Variants in TIMELESS observed in about 807,000 individuals in gnomAD.
TIMELESS encodes timeless circadian regulator.
Under a neutral mutation model 164.3 loss-of-function variants are expected in TIMELESS, and 124 were observed. That is an observed-to-expected ratio of 0.75 (90% CI 0.65 to 0.88). The LOEUF is 0.88. Among genes scored for constraint, TIMELESS ranks in the 40% least tolerant of loss-of-function variants. The pLI is 0.00. For synonymous variants in TIMELESS, 564 were observed against 563.4 expected (o/e 1.00, Z -0.02); for missense variants, 1,422 against 1,491.4 (o/e 0.95, Z 0.77).
chr12:56,448,985 G>T (rs1004766315), intron 1 of TIMELESS, among the ~76,000 whole-genome samples: 7 of 152,172 alleles, frequency 4.6e-5, no homozygotes, highest in African/African-American at 1.7e-4. Flanking sequence ...TAGATGCTAA[G>T]CTCCGAAGTG....
At chr12:56,444,421 C>G (rs1351602342) in intron 1 of TIMELESS, among the ~76,000 whole-genome samples, 1 of 152,166 alleles carries the variant, frequency 6.6e-6, no homozygotes, top group African/African-American at 2.4e-5. Context: ...ACCCTTAGTT[C>G]TTTGCTTCTA....
intron 13 of TIMELESS, among the ~76,000 whole-genome samples, chr12:56,426,613 G>A (rs1881686852): frequency 6.6e-6 from 1 of 152,108 alleles, no homozygotes; most frequent in African/African-American, 2.4e-5. Context: ...AGGCTGGAGT[G>A]CAATGGCATG....
chr12:56,448,190 G>T (rs1868409110), intron 1 of TIMELESS, among the ~76,000 whole-genome samples: 1 of 147,218 alleles, frequency 6.8e-6, no homozygotes, highest in South Asian at 2.2e-4. Flanking sequence ...CGGATCATTT[G>T]AGGTCAGGAG....
intron 22 of TIMELESS, 88 bp from the exon 23 acceptor site, chr12:56,421,581 C>T (rs1881491720): frequency 6.5e-7 from 1 of 1,533,774 alleles, no homozygotes. Context: ...GAGGGTACCT[C>T]AATTCATCCA....
chr12:56,425,079 G>C lies in TIMELESS; in HGVS notation c.1652C>G (p.Ser551Cys), dbSNP rs145244735. ...DQAIVSGNVP[S>C]SPEEVEAVWP... is the part of the protein sequence containing the mutation. Reference sequence around the variant, plus strand: ...CACAGCCTCCACTTCTTCTGGGCTAGATGGGACATTACCAGAAACAATGGC... The same window carrying C: ...CACAGCCTCCACTTCTTCTGGGCTACATGGGACATTACCAGAAACAATGGC... Residue 551 changes from serine (S) to cysteine (C), a missense_variant, in exon 14 of 29, where the codon TCT becomes TGT. Transcript: ENST00000553532. 1 of 1,614,212 alleles carries C rather than the reference G, an allele frequency of 6.2e-7. No homozygotes were observed. Among genetic ancestry groups the C allele is most frequent in the Non-Finnish European group, 8.5e-7 (1 of 1,180,048 alleles).
In TIMELESS at chr12:56,424,627, C is replaced by T. The variant is rs1379899660; in HGVS notation, c.1868+135G>A. 4 of 1,036,888 alleles carry T rather than the reference C, an allele frequency of 3.9e-6. No homozygotes were observed. In the Admixed American group the frequency reaches 9.0e-5, roughly 23 times the overall value. The allele number at this position is 1,036,888 out of a possible 1,614,324, so 64.2% of individuals were successfully genotyped here. Reference sequence around the variant, plus strand: ...AAAACCCAACAAACCAATCAAAACGCCCCAGGAGTCAGTTGGTATACAGTC... The same window carrying T: ...AAAACCCAACAAACCAATCAAAACGTCCCAGGAGTCAGTTGGTATACAGTC... On this transcript the variant is annotated intron_variant, in intron 15 of 28. Transcript: ENST00000553532.
In TIMELESS at chr12:56,428,640, A is replaced by C. The variant is rs1200902865; in HGVS notation, c.1317T>G (p.Ala439=). 6.2e-7 allele frequency: 1 copy of C among 1,613,954 alleles called. No individual in the cohort carries two copies. The highest frequency in any genetic ancestry group is 8.5e-7 in the Non-Finnish European group (1 of 1,179,900). ...AASWARRMHL[A]LKAYQELLAT... ...CCAGCAGCTCCTGATAGGCCTTCAG[A>C]GCCAAGTGCATCCTGAGAGTTGACG... is the stretch of plus-strand genomic sequence containing the variant. Residue 439 remains alanine, a synonymous_variant, in exon 12 of 29, where the codon GCT becomes GCG. Transcript: ENST00000553532.
In TIMELESS at chr12:56,428,603, C is replaced by T. The variant is rs1342254701; in HGVS notation, c.1354G>A (p.Glu452Lys). 1.9e-6 allele frequency: 3 copies of T among 1,614,158 alleles called. No individual in the cohort carries two copies. In the South Asian group the frequency reaches 3.3e-5, roughly 18 times the overall value. Residue 452 changes from glutamate to lysine, a missense_variant, in exon 12 of 29, where the codon GAG becomes AAG. Physicochemically the swap from Glu to Lys is moderately conservative, Grantham distance 56. Coordinates refer to ENST00000553532, the MANE Select transcript of TIMELESS (RefSeq NM_003920.5). Reference protein sequence around the residue: ...AYQELLATVNEMDISPDEAVR... With the variant: ...AYQELLATVNKMDISPDEAVR... Reference sequence around the variant, plus strand: ...GCCTCATCTGGAGATATGTCCATCTCATTCACTGTTGCCAGCAGCTCCTGA... The same window carrying T: ...GCCTCATCTGGAGATATGTCCATCTTATTCACTGTTGCCAGCAGCTCCTGA...
At position 56,417,747 on chromosome 12, in the gene TIMELESS, C is replaced by T. The variant is rs757777309; in HGVS notation, c.3596G>A (p.Arg1199Gln). Residue 1199 changes from arginine (R) to glutamine (Q), a missense_variant, in exon 29 of 29, where the codon CGA becomes CAA. Arg to Gln is a conservative substitution (Grantham distance 43). Transcript: ENST00000553532. ...ATCCTCATCATCCTCAATCTGGTATCGTTTCTTCTTTTGGATTCCTGGAGC... is the reference window on the plus strand; with the variant it reads ...ATCCTCATCATCCTCAATCTGGTATTGTTTCTTCTTTTGGATTCCTGGAGC... The part of the protein sequence containing the change: ...LGAPGIQKKK[R>Q]YQIEDDEDD 45 of 1,614,016 alleles carry T rather than the reference C, an allele frequency of 2.8e-5. No homozygotes were observed. In the South Asian group the frequency reaches 4.6e-4, roughly 17 times the overall value.
intron 1 of TIMELESS, among the ~76,000 whole-genome samples, chr12:56,448,954 T>G (rs1180609683): frequency 6.6e-6 from 1 of 152,050 alleles, no homozygotes; most frequent in Non-Finnish European, 1.5e-5. Flanking sequence ...CACACACCGG[T>G]TTTTTTCAGG....
rs780816382 is a variant in TIMELESS at position 56,428,944 on chromosome 12, G to C, written c.1243C>G (p.Leu415Val). 2.5e-6 allele frequency: 4 copies of C among 1,614,142 alleles called. No homozygotes were observed. In the East Asian group the frequency reaches 6.7e-5, roughly 27 times the overall value. ...AGCATCATCTCATAGTAGTTGGTGAGGTTCTGCTCAATGAAGTGGAAGGTA... is the reference window on the plus strand; with the variant it reads ...AGCATCATCTCATAGTAGTTGGTGACGTTCTGCTCAATGAAGTGGAAGGTA... ...VRTFHFIEQN[L>V]TNYYEMMLTD... Residue 415 changes from leucine to valine, a missense_variant, in exon 11 of 29, where the codon CTC (leucine) becomes GTC (valine). Coordinates refer to ENST00000553532, the MANE Select transcript of TIMELESS (RefSeq NM_003920.5).
At chr12:56,424,988 A>C (rs759974276) in intron 14 of TIMELESS, 27 bp downstream of exon 14, 1 of 1,614,048 alleles carries the variant, frequency 6.2e-7, no homozygotes, top group South Asian at 1.1e-5. Flanking sequence ...TATTCTCAAA[A>C]AAGACAGGGT....
intron 1 of TIMELESS, among the ~76,000 whole-genome samples, chr12:56,448,169 GC>G (rs1247224190): frequency 6.6e-6 from 1 of 152,230 alleles, no homozygotes; most frequent in Non-Finnish European, 1.5e-5. Context: ...ACTGTGGGAG[GC>G]CGACGCGGGC....
Position 56,417,512 on chromosome 12 carries a change from T to C in TIMELESS, c.*204A>G. 1.7e-6 allele frequency: 1 copy of C among 571,516 alleles called. No individual in the cohort carries two copies. Among genetic ancestry groups the C allele is most frequent in the East Asian group, 2.9e-5 (1 of 34,714 alleles). The allele number at this position is 571,516 out of a possible 1,614,324, so 35.4% of individuals were successfully genotyped here. A position where few individuals can be genotyped will look rare whatever the true frequency, so the allele number is the denominator to read the frequency against. On this transcript the variant is annotated 3_prime_UTR_variant, in exon 29 of 29. Coordinates refer to ENST00000553532, the MANE Select transcript of TIMELESS (RefSeq NM_003920.5). ...CCAGAGAGCTGCTGGGGCATACCGA[T>C]AAAAACTGGGAGAAACAAAGACTGA... is the stretch of plus-strand genomic sequence containing the variant.
rs574276884 is a variant in TIMELESS at position 56,432,265 on chromosome 12, C to T, written c.687+104G>A. ...AAGACATGGCTACTCCTGCTGTCGC[C>T]TGCCTTCCCCAGATAATGCAGCCAT... On this transcript the variant is annotated intron_variant, in intron 7 of 28. Coordinates refer to ENST00000553532, the MANE Select transcript of TIMELESS (RefSeq NM_003920.5). The T allele has an allele frequency of 3.6e-6, 5 of 1,400,082 alleles. No individual in the cohort carries two copies. The South Asian group carries it at 4.4e-5, about 12-fold the overall frequency. 86.7% of individuals were successfully genotyped at this position (1,400,082 alleles called of 1,614,324 possible).
Position 56,430,971 on chromosome 12 carries a change from G to T in TIMELESS, c.822-3C>A. On this transcript the variant is annotated splice_region_variant and splice_polypyrimidine_tract_variant and intron_variant, in intron 8 of 28. Transcript: ENST00000553532. ...AGGAGCCCCCAAATCGAGAATGCCT[G>T]CAGAAACAAAAAGGTCCAAGGTGAT... 1 of 1,571,032 alleles carries T rather than the reference G, an allele frequency of 6.4e-7. No homozygotes were observed.
chr12:56,443,178 T>A (rs960154678), intron 1 of TIMELESS, among the ~76,000 whole-genome samples: 6 of 152,198 alleles, frequency 3.9e-5, no homozygotes, highest in South Asian at 4.1e-4. Context: ...AGAGCCATAG[T>A]TTTCTTCTTG....
In TIMELESS at chr12:56,418,015, T is replaced by C. The variant is rs1005800051; in HGVS notation, c.3455-7A>G. On this transcript the variant is annotated splice_region_variant and splice_polypyrimidine_tract_variant and intron_variant, in intron 27 of 28. Transcript: ENST00000553532. ...TTACCAACAGCGTCTTCCTCTGCAA[T>C]GACCATAAATGACACAAAATTAGGA... 6 of 1,614,110 alleles carry C rather than the reference T, an allele frequency of 3.7e-6. No homozygotes were observed. The African/African-American group carries it at 4.0e-5, about 11-fold the overall frequency.
rs139931870 is a variant in TIMELESS at position 56,428,383 on chromosome 12, C to A, written c.1431G>T (p.Glu477Asp). 63 of 1,610,808 alleles carry A rather than the reference C, an allele frequency of 3.9e-5. No homozygotes were observed. The Middle Eastern group carries it at 4.9e-4, about 13-fold the overall frequency. The change falls in exon 13 of 29, where the codon GAG (glutamate) becomes GAT (aspartate). Residue 477 changes from glutamate (E) to aspartate (D), a missense_variant. Transcript: ENST00000553532. ...IIKNNIFYVM[E>D]YRELFLALFR... ...AAAGTGCCAGGAATAGTTCTCGGTA[C>A]TCCATCACATAGAAAATATTGTCTA...
Sources: allele counts gnomAD v4.1 joint callset (sites outside exome capture counted in the v4.1 genomes callset), GRCh38; gene constraint gnomAD v4.1.1; transcripts MANE v1.5; gene names NCBI Gene and HGNC (gene_info 2026-07-23, HGNC 2026-07-21).